ATG5: variants seen among roughly 807,000 people sequenced by gnomAD.
The protein encoded by ATG5 is autophagy related 5, also known as autophagy protein 5.
A neutral mutation model predicts 36.5 loss-of-function variants in ATG5; 14 were observed. The ratio of observed to expected loss-of-function variants is 0.38; its 90% CI spans 0.25 to 0.60. ATG5 has a LOEUF of 0.60. Ranked by LOEUF, ATG5 falls within the 20% of genes least tolerant of loss-of-function variation. The probability of loss-of-function intolerance (pLI) is 0.60; values close to 1 mark genes in which losing one functional copy is unlikely to be tolerated. For missense variants in ATG5, 195 were observed against 326.7 expected (o/e 0.60, Z 3.11); for synonymous variants, 95 against 101.5 (o/e 0.94, Z 0.38).
intron 5 of ATG5, among the ~76,000 whole-genome samples, chr6:106,255,299 T>C (rs1480238635): frequency 6.6e-6 from 1 of 152,106 alleles, no homozygotes; most frequent in Admixed American, 6.5e-5. Flanking sequence ...ATAAGCATGA[T>C]GGGGGAAGGG....
At chr6:106,278,444 T>G (rs1339416103) in intron 5 of ATG5, among the ~76,000 whole-genome samples, 3 of 152,218 alleles carry the variant, frequency 2.0e-5, no homozygotes, top group African/African-American at 7.2e-5. Flanking sequence ...AATATGAAAT[T>G]TTTTATAGCA....
intron 7 of ATG5, among the ~76,000 whole-genome samples, chr6:106,188,011 T>C (rs1374332626): frequency 6.6e-6 from 1 of 152,214 alleles, no homozygotes; most frequent in African/African-American, 2.4e-5. Flanking sequence ...TTTATAATAC[T>C]ACTAACCTAA....
intron 2 of ATG5, among the ~76,000 whole-genome samples, chr6:106,309,179 C>CT (rs1770556757): frequency 6.6e-6 from 1 of 152,168 alleles, no homozygotes; most frequent in African/African-American, 2.4e-5. Flanking sequence ...TCCTAAGTGT[C>CT]TGATTTCTTT....
intron 5 of ATG5, among the ~76,000 whole-genome samples, chr6:106,266,894 C>T (rs1018721988): frequency 1.3e-5 from 2 of 152,168 alleles, no homozygotes; most frequent in Non-Finnish European, 2.9e-5. Flanking sequence ...TAGTCAATAT[C>T]ATACGGAATG....
chr6:106,260,143 G>A (rs746828337), intron 5 of ATG5, among the ~76,000 whole-genome samples: 231 of 152,258 alleles, frequency 1.5e-3, no homozygotes, highest in Non-Finnish European at 1.8e-3. Flanking sequence ...AGCATTAGGA[G>A]AAATATCCAA....
chr6:106,265,136 G>A (rs1269746995), intron 5 of ATG5, among the ~76,000 whole-genome samples: 3 of 120,544 alleles, frequency 2.5e-5, no homozygotes, highest in African/African-American at 9.4e-5. Flanking sequence ...AAAATAAAGA[G>A]ATTGAGGAAT....
intron 1 of ATG5, among the ~76,000 whole-genome samples, chr6:106,322,904 C>T (rs906223910): frequency 6.6e-6 from 1 of 152,180 alleles, no homozygotes; most frequent in African/African-American, 2.4e-5. Flanking sequence ...ATCTTCCTTC[C>T]TCCTCTCTCC....
intron 6 of ATG5, among the ~76,000 whole-genome samples, chr6:106,212,601 T>G (rs1027071594): frequency 2.6e-5 from 4 of 152,196 alleles, no homozygotes; most frequent in Non-Finnish European, 5.9e-5. Flanking sequence ...ACCGTCCCAC[T>G]GCACTCCAGC....
At chr6:106,286,163 C>T (rs1780070609) in intron 4 of ATG5, among the ~76,000 whole-genome samples, 1 of 152,176 alleles carries the variant, frequency 6.6e-6, no homozygotes, top group African/African-American at 2.4e-5. Flanking sequence ...ACTTTGGCTC[C>T]TCCTTCTCTG....
chr6:106,283,968 A>G (rs573735200), intron 4 of ATG5, among the ~76,000 whole-genome samples: 1 of 152,278 alleles, frequency 6.6e-6, no homozygotes, highest in South Asian at 2.1e-4. Flanking sequence ...TTCACTTAAC[A>G]TGGTATTTTC....
At chr6:106,193,297 A>G (rs1294023736) in intron 7 of ATG5, among the ~76,000 whole-genome samples, 1 of 152,236 alleles carries the variant, frequency 6.6e-6, no homozygotes, top group Admixed American at 6.5e-5. Flanking sequence ...ATGCAATATC[A>G]TAGTATATAC....
intron 4 of ATG5, among the ~76,000 whole-genome samples, chr6:106,286,125 C>T (rs2114615216): frequency 6.6e-6 from 1 of 152,312 alleles, no homozygotes; most frequent in African/African-American, 2.4e-5. Flanking sequence ...AGGCCTCAGC[C>T]AAGCACCCAG....
At chr6:106,253,315 C>A (rs547104923) in intron 5 of ATG5, among the ~76,000 whole-genome samples, 2 of 152,176 alleles carry the variant, frequency 1.3e-5, no homozygotes, top group Admixed American at 1.3e-4. Flanking sequence ...CTAGCCTCTG[C>A]GTCAGGGCTG....
chr6:106,285,457 T>C (rs1780040376), intron 4 of ATG5, among the ~76,000 whole-genome samples: 1 of 152,202 alleles, frequency 6.6e-6, no homozygotes. Context: ...GTAAGGATTC[T>C]AGATTATACT....
At chr6:106,259,171 G>A (rs1778915905) in intron 5 of ATG5, among the ~76,000 whole-genome samples, 1 of 152,062 alleles carries the variant, frequency 6.6e-6, no homozygotes, top group African/African-American at 2.4e-5. Flanking sequence ...CAAGTTGGCT[G>A]AAAATTATAT....
intron 6 of ATG5, among the ~76,000 whole-genome samples, chr6:106,218,740 T>C (rs1441757764): frequency 6.6e-6 from 1 of 152,180 alleles, no homozygotes; most frequent in African/African-American, 2.4e-5. Flanking sequence ...GATTCTAAGT[T>C]ACTTTAAACA....
chr6:106,205,615 GT>G (rs563518613), intron 6 of ATG5, among the ~76,000 whole-genome samples: 318 of 152,124 alleles, frequency 2.1e-3, no homozygotes, highest in Non-Finnish European at 3.5e-3. Context: ...ACTAGTCTTG[GT>G]TACATATTAA....
At chr6:106,271,565 T>A (rs73774303) in intron 5 of ATG5, 1 of 152,342 alleles carries the variant, frequency 6.6e-6, no homozygotes, top group African/African-American at 2.4e-5. Flanking sequence ...ATCACCTTAA[T>A]GTAAACAGGT....
intron 4 of ATG5, among the ~76,000 whole-genome samples, chr6:106,283,165 C>T (rs1468465393): frequency 6.6e-6 from 1 of 152,002 alleles, no homozygotes; most frequent in African/African-American, 2.4e-5. Flanking sequence ...TGGTGTGTAC[C>T]ATCCTTTTTA....
Sources: gnomAD v4.1 joint callset for allele counts (sites outside exome capture counted in the v4.1 genomes callset) on GRCh38, gnomAD v4.1.1 for gene constraint, MANE v1.5 for transcripts, NCBI Gene and HGNC (gene_info 2026-07-23, HGNC 2026-07-21) for gene names.